The following SRA1 variants were observed in gnomAD, a reference collection of about 807,000 sequenced individuals.
SRA1 encodes the protein steroid receptor RNA activator 1.
SRA1 carries 25 observed loss-of-function variants against 24.3 expected under a neutral mutation model. That is an observed-to-expected ratio of 1.03 (90% CI 0.75 to 1.43). The LOEUF is 1.43. Among genes scored for constraint, SRA1 ranks in the 40% most tolerant of loss-of-function variants. The probability of loss-of-function intolerance (pLI) is 0.00; values close to 1 mark genes in which losing one functional copy is unlikely to be tolerated. For missense variants in SRA1, 303 were observed against 286.6 expected, an observed-to-expected ratio of 1.06 and a Z score of -0.41; for synonymous variants, 104 against 109.5, an observed-to-expected ratio of 0.95 and a Z score of 0.31.
rs759341137 is a variant in SRA1 at position 140,550,895 on chromosome 5, C to T, written c.480G>A (p.Arg160=). The change falls in exon 5 of 5, where the codon CGG becomes CGA. Residue 160 remains arginine, a synonymous_variant. Transcript: ENST00000336283. ...ALLVQELSSH[R]WDAADDIHRS... ...GGTGGATGTCATCTGCTGCGTCCCA[C>T]CGGTGGCTTGAAAGCTCTGAAGAGA... is the stretch of plus-strand genomic sequence containing the variant. 1.2e-6 allele frequency: 2 copies of T among 1,614,152 alleles called. No homozygotes were observed. The highest frequency in any genetic ancestry group is 1.1e-5 in the South Asian group (1 of 91,080).
exon 1 of SRA1, chr5:140,557,469 CCAGCGGGG>C (rs1394630773): frequency 3.2e-6 from 5 of 1,553,596 alleles, no homozygotes; most frequent in Admixed American, 5.8e-5. Flanking sequence ...TTCCGCTTGG[CCAGCGGGG>C]CAGCGCGTCA....
rs776743317 is a variant in SRA1, at chr5:140,551,238, C to G, written c.355-69G>C. The G allele has an allele frequency of 4.0e-6, 5 of 1,247,386 alleles. No homozygotes were observed. In the Admixed American group the frequency reaches 9.2e-5, roughly 23 times the overall value. The allele number at this position is 1,247,386 out of a possible 1,614,324, so 77.3% of individuals were successfully genotyped here. On this transcript the variant is annotated intron_variant, in intron 3 of 4. Transcript: ENST00000336283. ...ATGAGGGGAGGAGAGGGGAAGACAG[C>G]ACCACATAGGAAGCACCTGCTTTCT...
chr5:140,553,726 T>C (rs1754622122), intron 2 of SRA1, among the ~76,000 whole-genome samples: 1 of 152,140 alleles, frequency 6.6e-6, no homozygotes, highest in South Asian at 2.1e-4. Flanking sequence ...TCAACAGTGG[T>C]GGCAGGAACA....
At chr5:140,557,114 C>G in intron 2 of SRA1, 33 bp downstream of exon 2, 5 of 1,216,240 alleles carry the variant, frequency 4.1e-6, no homozygotes, top group African/African-American at 1.6e-5. Context: ...CCCCCATTCT[C>G]CGTCTGTCTC....
chr5:140,552,625 C>G (rs1365917766), intron 2 of SRA1, among the ~76,000 whole-genome samples: 1 of 151,344 alleles, frequency 6.6e-6, no homozygotes, highest in Admixed American at 6.6e-5. Flanking sequence ...TGCACTCCAG[C>G]CTGGGCAACA....
chr5:140,552,961 G>T (rs942943666), intron 2 of SRA1, among the ~76,000 whole-genome samples: 4 of 152,136 alleles, frequency 2.6e-5, no homozygotes, highest in African/African-American at 7.2e-5. Context: ...TATGTTACAT[G>T]CTACCAAGAA....
chr5:140,555,260 GT>G (rs1021534733), intron 2 of SRA1, among the ~76,000 whole-genome samples: 2 of 147,872 alleles, frequency 1.4e-5, no homozygotes, highest in Non-Finnish European at 3.0e-5. Flanking sequence ...TTTTATTTTG[GT>G]TTTGTCACAG....
At position 140,551,054 on chromosome 5, in the gene SRA1, C is replaced by G. The variant is rs1280767386; in HGVS notation, c.463+7G>C. 1.1e-5 allele frequency: 17 copies of G among 1,610,638 alleles called. No homozygotes were observed. In the South Asian group the frequency reaches 1.3e-4, roughly 12 times the overall value. ...GATTTAGGCTATACCAAAGAACCCA[C>G]CCATACCTTGCACCAGTAGAGCCAT... On this transcript the variant is annotated splice_region_variant and intron_variant, in intron 4 of 4. Coordinates refer to ENST00000336283, the MANE Select transcript of SRA1 (RefSeq NM_001035235.4).
At chr5:140,552,217 C>T in intron 2 of SRA1, 33 bp from the exon 3 acceptor site, 5 of 1,477,316 alleles carry the variant, frequency 3.4e-6, no homozygotes, top group Non-Finnish European at 4.6e-6. Context: ...AGCAACATGG[C>T]TTAAATGGGT....
intron 2 of SRA1, among the ~76,000 whole-genome samples, chr5:140,552,500 A>G (rs1754593660): frequency 6.6e-6 from 1 of 152,088 alleles, no homozygotes; most frequent in African/African-American, 2.4e-5. Flanking sequence ...TAAAAATACA[A>G]AAATTAGCTG....
chr5:140,552,479 C>G (rs1034099856), intron 2 of SRA1, among the ~76,000 whole-genome samples: 1 of 151,878 alleles, frequency 6.6e-6, no homozygotes, highest in African/African-American at 2.4e-5. Flanking sequence ...ATGGCAAAAC[C>G]CTGTCTCTAC....
Position 140,552,042 on chromosome 5 carries a change from C to CGG in SRA1, c.293_294insCC (p.Met99ArgfsTer6). 7.1e-7 allele frequency: 1 copy of CGG among 1,400,206 alleles called. No individual in the cohort carries two copies. Among genetic ancestry groups the CGG allele is most frequent in the Non-Finnish European group, 9.8e-7 (1 of 1,016,256 alleles). 86.7% of individuals were successfully genotyped at this position (1,400,206 alleles called of 1,614,324 possible). The stretch of plus-strand genomic sequence containing the variant: ...CCAAAGGTCTCAGCACATCCTCCAT[C>CGG]ACAGCCTCAGACTCGACTGGGAAAC... On this transcript the variant is annotated frameshift_variant, in exon 3 of 5. Transcript: ENST00000336283. LOFTEE classifies it high-confidence loss of function.
chr5:140,556,946 T>A (rs916999389), intron 2 of SRA1, among the ~76,000 whole-genome samples: 3 of 152,198 alleles, frequency 2.0e-5, no homozygotes, highest in African/African-American at 7.2e-5. Flanking sequence ...ATAGTCTTTT[T>A]AAATCAATAC....
In SRA1 at chr5:140,550,806, A is replaced by G; in HGVS notation, c.569T>C (p.Ile190Thr). Reference protein sequence around the residue: ...SQWMVGVKRLIAEKRSLFSEE... With the variant: ...SQWMVGVKRLTAEKRSLFSEE... ...TGAAAACAGACTCCTCTTTTCTGCA[A>G]TTAATCTTTTAACTCCTACCATCCA... The change falls in exon 5 of 5, where the codon ATT becomes ACT. Residue 190 changes from isoleucine (I) to threonine (T), a missense_variant. Transcript: ENST00000336283. The G allele has an allele frequency of 2.5e-6, 4 of 1,614,094 alleles. No individual in the cohort carries two copies. Among genetic ancestry groups the G allele is most frequent in the East Asian group, 2.2e-5 (1 of 44,878 alleles).
Position 140,557,224 on chromosome 5 carries a change from A to G in SRA1, c.74T>C (p.Leu25Pro), listed in dbSNP as rs11543165. 1 of 1,613,330 alleles carries G rather than the reference A, an allele frequency of 6.2e-7. No homozygotes were observed. Reference sequence around the variant, plus strand: ...CCTGGGTCCGCCGGCCTGGGTCTGCAGCCCGTATGAGAACTGCGGCGGGTC... The same window carrying G: ...CCTGGGTCCGCCGGCCTGGGTCTGCGGCCCGTATGAGAACTGCGGCGGGTC... The part of the protein sequence containing the change: ...WNDPPQFSYG[L>P]QTQAGGPRRS... Residue 25 changes from leucine (L) to proline (P), a missense_variant, in exon 2 of 5, where the codon CTG (leucine) becomes CCG (proline). Leu to Pro is a moderately conservative substitution (Grantham distance 98, BLOSUM62 -3). Coordinates refer to ENST00000336283, the MANE Select transcript of SRA1 (RefSeq NM_001035235.4).
chr5:140,555,327 A>C (rs1395857011), intron 2 of SRA1, among the ~76,000 whole-genome samples: 2 of 149,732 alleles, frequency 1.3e-5, no homozygotes, highest in East Asian at 4.0e-4. Flanking sequence ...GCTCACTGCA[A>C]CCTCCGCCTC....
Position 140,557,094 on chromosome 5 carries a change from C to G in SRA1, c.151+53G>C, listed in dbSNP as rs577258369. 136 of 984,050 alleles carry G rather than the reference C, an allele frequency of 1.4e-4. No homozygotes were observed. In the Middle Eastern group the frequency reaches 8.2e-3, roughly 59 times the overall value. 61.0% of individuals were successfully genotyped at this position (984,050 alleles called of 1,614,324 possible). A position where few individuals can be genotyped will look rare whatever the true frequency, so the allele number is the denominator to read the frequency against. On this transcript the variant is annotated intron_variant, in intron 2 of 4. Coordinates refer to ENST00000336283, the MANE Select transcript of SRA1 (RefSeq NM_001035235.4). ...GCCTTCCAAACAGGCTTATGCCTTA[C>G]ACCCCCCCCCCCCCATTCTCCGTCT... is the stretch of plus-strand genomic sequence containing the variant.
At chr5:140,555,130 G>A (rs112251046) in intron 2 of SRA1, among the ~76,000 whole-genome samples, 1 of 151,764 alleles carries the variant, frequency 6.6e-6, no homozygotes, top group Non-Finnish European at 1.5e-5. Flanking sequence ...ACCCGCCTTG[G>A]CCTCCAAAGT....
chr5:140,550,430 C>T lies in SRA1; in HGVS notation c.*270G>A, dbSNP rs1754513200. On this transcript the variant is annotated 3_prime_UTR_variant, in exon 5 of 5. Coordinates refer to ENST00000336283, the MANE Select transcript of SRA1 (RefSeq NM_001035235.4). ...GGGAGAACAGAGGTTTGCAGATACA[C>T]AGGGAGCAGGGCAGTCGAGGACACC... 2.0e-6 allele frequency: 1 copy of T among 512,254 alleles called. No homozygotes were observed. Among genetic ancestry groups the T allele is most frequent in the African/African-American group, 1.9e-5 (1 of 52,172 alleles). The allele number at this position is 512,254 out of a possible 1,614,324, so 31.7% of individuals were successfully genotyped here.
Sources: allele counts gnomAD v4.1 joint callset (sites outside exome capture counted in the v4.1 genomes callset), GRCh38; gene constraint gnomAD v4.1.1; transcripts MANE v1.5; gene names NCBI Gene and HGNC (gene_info 2026-07-23, HGNC 2026-07-21).